DDX6: variants seen among roughly 807,000 people sequenced by gnomAD.
The protein encoded by DDX6 is DEAD-box helicase 6.
DDX6 carries 7 observed loss-of-function variants against 60.6 expected under a neutral mutation model. That is an observed-to-expected ratio of 0.12 (90% CI 0.07 to 0.22). The LOEUF (loss-of-function observed/expected upper bound fraction) is 0.22, where lower values mean the gene tolerates loss of function less well. DDX6 is among the 10% of genes least tolerant of loss of function. The pLI is 1.00. For missense variants in DDX6, 270 were observed against 589.9 expected, an observed-to-expected ratio of 0.46 and a Z score of 5.62; for synonymous variants, 207 against 201.0, an observed-to-expected ratio of 1.03 and a Z score of -0.25.
At chr11:118,773,155 A>G (rs550738082) in intron 4 of DDX6, among the ~76,000 whole-genome samples, 2 of 152,304 alleles carry the variant, frequency 1.3e-5, no homozygotes, top group Admixed American at 1.3e-4. Flanking sequence ...ATCTCCTAGC[A>G]TTGAGAGGCA....
chr11:118,781,450 T>C (rs1266650252), intron 2 of DDX6, among the ~76,000 whole-genome samples: 5 of 152,128 alleles, frequency 3.3e-5, no homozygotes, highest in African/African-American at 1.2e-4. Flanking sequence ...AAAAGGTGTT[T>C]TGTTTGACCT....
rs1313883572 is a variant in DDX6, at chr11:118,780,962, G to A, written c.264+159C>T. Among the ~76,000 whole-genome samples the A allele has an allele frequency of 3.3e-5, 5 of 152,154 alleles. No individual in the cohort carries two copies. In the East Asian group the frequency reaches 9.6e-4, roughly 29 times the overall value. On this transcript the variant is annotated intron_variant, in intron 3 of 13. Coordinates refer to ENST00000534980, the MANE Select transcript of DDX6 (RefSeq NM_004397.6). ...GCATTTGTTTTCTCATCCACAAAATGGGAATATATAGCCTGAATATCTATC... is the reference window on the plus strand; with the variant it reads ...GCATTTGTTTTCTCATCCACAAAATAGGAATATATAGCCTGAATATCTATC...
At chr11:118,758,984 G>A (rs539370995) in intron 8 of DDX6, 82 bp from the exon 9 acceptor site, 10 of 1,530,528 alleles carry the variant, frequency 6.5e-6, no homozygotes, top group East Asian at 4.6e-5. Context: ...TACCCTATAC[G>A]TTTCTGTCCG....
At chr11:118,755,184 CAT>C (rs1392247560) in intron 12 of DDX6, among the ~76,000 whole-genome samples, 2 of 152,328 alleles carry the variant, frequency 1.3e-5, no homozygotes, top group African/African-American at 2.4e-5. Flanking sequence ...GTGAAGTTCT[CAT>C]GTGTTAATTT....
intron 9 of DDX6, among the ~76,000 whole-genome samples, chr11:118,758,571 C>T (rs926850743): frequency 1.6e-4 from 25 of 152,194 alleles, no homozygotes; most frequent in African/African-American, 6.0e-4. Flanking sequence ...TGGGGTTTCA[C>T]CATGTTGGCC....
chr11:118,751,789 T>G lies in DDX6; in HGVS notation c.*316A>C, dbSNP rs1591877335. The G allele has an allele frequency of 5.4e-6, 2 of 367,250 alleles. No individual in the cohort carries two copies. Among genetic ancestry groups the G allele is most frequent in the Middle Eastern group, 1.8e-3 (2 of 1,132 alleles). The allele number at this position is 367,250 out of a possible 1,614,324, so 22.7% of individuals were successfully genotyped here. A position where few individuals can be genotyped will look rare whatever the true frequency, so the allele number is the denominator to read the frequency against. On this transcript the variant is annotated 3_prime_UTR_variant, in exon 14 of 14. Coordinates refer to ENST00000534980, the MANE Select transcript of DDX6 (RefSeq NM_004397.6). The stretch of plus-strand genomic sequence containing the variant: ...TGTGTGTTCATTAAGATTCTTCTCT[T>G]TTTAGGGTTTCTCCCCTTCTCTTCT...
chr11:118,751,186 GACATGTCT>G lies in DDX6; in HGVS notation c.*911_*918del, dbSNP rs1258050005. 6.6e-6 allele frequency: 1 copy of G among 152,118 alleles called. No homozygotes were observed. The highest frequency in any genetic ancestry group is 1.5e-5 in the Non-Finnish European group (1 of 67,984). The allele number at this position is 152,118 out of a possible 1,614,324, so 9.4% of individuals were successfully genotyped here. On this transcript the variant is annotated 3_prime_UTR_variant, in exon 14 of 14. Transcript: ENST00000534980. ...ACAGAGGAAAGAGGGCCAAGGCTCT[GACATGTCT>G]ACACATCAAGTGCCATACTACTACT...
At chr11:118,764,497 A>C (rs1048305543) in intron 6 of DDX6, among the ~76,000 whole-genome samples, 2 of 152,068 alleles carry the variant, frequency 1.3e-5, no homozygotes, top group Non-Finnish European at 2.9e-5. Context: ...TTTCTTCAGG[A>C]AAGATTCTTA....
intron 4 of DDX6, among the ~76,000 whole-genome samples, chr11:118,771,654 A>G (rs1861539173): frequency 6.6e-6 from 1 of 152,212 alleles, no homozygotes; most frequent in African/African-American, 2.4e-5. Flanking sequence ...TTTTTTTAAA[A>G]CTTACTATGT....
At chr11:118,773,107 T>A (rs1474476519) in intron 4 of DDX6, among the ~76,000 whole-genome samples, 5 of 152,284 alleles carry the variant, frequency 3.3e-5, no homozygotes, top group Non-Finnish European at 7.3e-5. Context: ...ATCGAGTTGG[T>A]TTCTGATGCC....
rs545932110 is a variant in DDX6 at position 118,751,961 on chromosome 11, TA to T, written c.*143del. ...TTTCAGCCTTTTTCTCTTCACCAGT[TA>T]AAAAAAGAAAATGTCTGAGCTCTTT... is the stretch of plus-strand genomic sequence containing the variant. On this transcript the variant is annotated 3_prime_UTR_variant, in exon 14 of 14. Coordinates refer to ENST00000534980, the MANE Select transcript of DDX6 (RefSeq NM_004397.6). 5.0e-6 allele frequency: 2 copies of T among 396,384 alleles called. No individual in the cohort carries two copies. The highest frequency in any genetic ancestry group is 9.8e-6 in the Non-Finnish European group (2 of 203,788). The allele number at this position is 396,384 out of a possible 1,614,324, so 24.6% of individuals were successfully genotyped here.
In DDX6 at chr11:118,758,373, CT is replaced by C. The variant is rs879993842; in HGVS notation, c.993+400del. On this transcript the variant is annotated intron_variant, in intron 9 of 13. Transcript: ENST00000534980. ...GAAACACTATGAATTATTTTTTAAT[CT>C]TTTTTTTTTTCTTCCCAAGACGGAG... 5.2e-3 allele frequency among the ~76,000 whole-genome samples: 776 copies of C among 148,328 alleles called. 3 individuals carry two copies. The highest frequency in any genetic ancestry group is 6.3e-3 in the Non-Finnish European group (421 of 66,640).
chr11:118,786,137 G>T lies in DDX6; in HGVS notation c.115C>A (p.Gln39Lys). The change falls in exon 2 of 14, where the codon CAG becomes AAG. Residue 39 changes from glutamine (Q) to lysine (K), a missense_variant. Transcript: ENST00000534980. ...GGPGGGGTQT[Q>K]QQMNQLKNTN... The stretch of plus-strand genomic sequence containing the variant: ...TTTTTCAGCTGGTTCATCTGTTGCT[G>T]TGTCTGTGTGCCCCCTCCTCCAGGG... 1 of 1,613,970 alleles carries T rather than the reference G, an allele frequency of 6.2e-7. No homozygotes were observed. Among genetic ancestry groups the T allele is most frequent in the South Asian group, 1.1e-5 (1 of 91,084 alleles).
At chr11:118,764,532 C>A (rs1238296012) in intron 6 of DDX6, among the ~76,000 whole-genome samples, 3 of 152,034 alleles carry the variant, frequency 2.0e-5, no homozygotes, top group Non-Finnish European at 4.4e-5. Flanking sequence ...TGGCCGGGCA[C>A]GGTGGCTCAC....
At chr11:118,769,199 A>G (rs781990289) in intron 4 of DDX6, among the ~76,000 whole-genome samples, 22 of 152,090 alleles carry the variant, frequency 1.4e-4, no homozygotes, top group South Asian at 4.2e-4. Context: ...CTAGCACACC[A>G]ATTTGACCAC....
chr11:118,760,972 T>C (rs899073384), intron 7 of DDX6, among the ~76,000 whole-genome samples: 50 of 152,038 alleles, frequency 3.3e-4, no homozygotes, highest in Admixed American at 4.6e-4. Flanking sequence ...AAACCCTGTC[T>C]CTACTAAAAA....
intron 1 of DDX6, chr11:118,790,111 T>A (rs1430891022): frequency 2.0e-5 from 3 of 152,120 alleles, no homozygotes; most frequent in Non-Finnish European, 4.4e-5. Context: ...TAGCTTTGCC[T>A]GCAAGTTGGA....
rs552187764 is a variant in DDX6, at chr11:118,774,068, G to A, written c.369+5564C>T. On this transcript the variant is annotated intron_variant, in intron 4 of 13. Transcript: ENST00000534980. ...CACAAAATTTTGTTGCCAACAGTAC[G>A]GAGCTTCCATGTTTCCCTCAATAAT... Among the ~76,000 whole-genome samples, 62 of 152,134 alleles carry A rather than the reference G, an allele frequency of 4.1e-4. 1 individual carries two copies. The highest frequency in any genetic ancestry group is 1.8e-3 in the Admixed American group (28 of 15,270).
At position 118,770,897 on chromosome 11, in the gene DDX6, A is replaced by AG. The variant is rs1555162405; in HGVS notation, c.370-2546_370-2545insC. On this transcript the variant is annotated intron_variant, in intron 4 of 13. Transcript: ENST00000534980. ...ACTCAGTCTCACAAAAAAAAAAAAA[A>AG]AGAGAGAGAAAAGAAAAGAAAATAC... 1.2e-3 allele frequency among the ~76,000 whole-genome samples: 175 copies of AG among 150,850 alleles called. No individual in the cohort carries two copies. In the South Asian group the frequency reaches 0.012, roughly 11 times the overall value.
Sources: allele counts gnomAD v4.1 joint callset (sites outside exome capture counted in the v4.1 genomes callset), GRCh38; gene constraint gnomAD v4.1.1; transcripts MANE v1.5; gene names NCBI Gene and HGNC (gene_info 2026-07-23, HGNC 2026-07-21).